Variants in TFEC observed in about 807,000 individuals in gnomAD.
TFEC encodes class E basic helix-loop-helix protein 34.
TFEC carries 31 observed loss-of-function variants against 41.6 expected under a neutral mutation model. The observed-to-expected ratio is 0.74, with a 90% CI of 0.56 to 1.01. The LOEUF is 1.01. TFEC is among the 50% of genes least tolerant of loss of function. The pLI, the probability that TFEC is intolerant of heterozygous loss-of-function variation, is 0.00. For synonymous variants in TFEC, 143 were observed against 140.6 expected, an observed-to-expected ratio of 1.02 and a Z score of -0.12; for missense variants, 402 against 404.1, an observed-to-expected ratio of 0.99 and a Z score of 0.04.
rs996087175 is a variant in TFEC, at chr7:115,938,557, C to A, written c.*1994G>T. 4.0e-5 allele frequency: 6 copies of A among 151,606 alleles called. No homozygotes were observed. Among genetic ancestry groups the A allele is most frequent in the Admixed American group, 3.3e-4 (5 of 15,170 alleles). 9.4% of individuals were successfully genotyped at this position (151,606 alleles called of 1,614,324 possible). A position where few individuals can be genotyped will look rare whatever the true frequency, so the allele number is the denominator to read the frequency against. ...GTCAAACAATAAAATTATTTTAATT[C>A]TCCAAATTCTGAGCAAATGATACAA... On this transcript the variant is annotated 3_prime_UTR_variant, in exon 8 of 8. Transcript: ENST00000265440.
chr7:116,143,956 A>G (rs1299237136), intron 1 of TFEC, among the ~76,000 whole-genome samples: 3 of 152,254 alleles, frequency 2.0e-5, no homozygotes, highest in Non-Finnish European at 4.4e-5. Context: ...GCGGTGGCTC[A>G]CACCTGTAAT....
At chr7:116,111,291 A>G (rs909267511) in intron 2 of TFEC, among the ~76,000 whole-genome samples, 2 of 152,010 alleles carry the variant, frequency 1.3e-5, no homozygotes, top group Non-Finnish European at 2.9e-5. Context: ...GGTTAATAAA[A>G]CAGTCTGTTT....
intron 1 of TFEC, among the ~76,000 whole-genome samples, chr7:116,133,016 T>C (rs150086600): frequency 0.011 from 1,645 of 152,346 alleles, 32 homozygotes; most frequent in African/African-American, 0.037. Flanking sequence ...AAAACAGTTT[T>C]AAGACTACTT....
chr7:116,000,645 A>G (rs970117237), intron 1 of TFEC, among the ~76,000 whole-genome samples: 1 of 152,168 alleles, frequency 6.6e-6, no homozygotes, highest in Non-Finnish European at 1.5e-5. Context: ...TGATTTCAAT[A>G]TATGCCAACA....
chr7:116,095,665 A>C (rs879581841), intron 3 of TFEC, among the ~76,000 whole-genome samples: 4 of 152,012 alleles, frequency 2.6e-5, no homozygotes, highest in Non-Finnish European at 5.9e-5. Context: ...TCTGTTCCCA[A>C]ATCTTTTTGA....
At chr7:116,104,077 G>A (rs1202332368) in intron 3 of TFEC, among the ~76,000 whole-genome samples, 4 of 152,128 alleles carry the variant, frequency 2.6e-5, no homozygotes, top group African/African-American at 9.7e-5. Context: ...GTGAAGAAAA[G>A]GGAGAACATT....
At chr7:116,075,437 G>A (rs1403331148) in intron 3 of TFEC, among the ~76,000 whole-genome samples, 1 of 152,154 alleles carries the variant, frequency 6.6e-6, no homozygotes, top group East Asian at 1.9e-4. Flanking sequence ...GCAAAAAAAT[G>A]TGGGTGTGCT....
chr7:116,005,750 A>C (rs1794764392), intron 1 of TFEC, among the ~76,000 whole-genome samples: 1 of 152,194 alleles, frequency 6.6e-6, no homozygotes, highest in Non-Finnish European at 1.5e-5. Context: ...GACGATGGGG[A>C]AAATGTTTCC....
intron 3 of TFEC, among the ~76,000 whole-genome samples, chr7:115,970,896 G>C (rs1036665922): frequency 6.6e-6 from 1 of 151,902 alleles, no homozygotes. Context: ...GAGCCGTGAG[G>C]CAAATAATCC....
intron 3 of TFEC, among the ~76,000 whole-genome samples, chr7:116,073,424 T>C (rs1796877318): frequency 1.3e-5 from 2 of 151,738 alleles, no homozygotes; most frequent in South Asian, 4.1e-4. Flanking sequence ...GATAAGCAAA[T>C]GGCTCTTAGA....
chr7:116,060,692 G>T (rs954312308), intron 3 of TFEC, among the ~76,000 whole-genome samples: 5 of 152,008 alleles, frequency 3.3e-5, no homozygotes, highest in African/African-American at 1.2e-4. Flanking sequence ...GGAAAGAACA[G>T]ACCCTGGGGT....
chr7:116,048,161 A>G (rs1380262595), intron 3 of TFEC, among the ~76,000 whole-genome samples: 1 of 152,240 alleles, frequency 6.6e-6, no homozygotes, highest in African/African-American at 2.4e-5. Flanking sequence ...GCTTCAGACA[A>G]TTGGTAATAA....
chr7:116,082,774 A>G (rs1797119890), intron 3 of TFEC, among the ~76,000 whole-genome samples: 1 of 152,006 alleles, frequency 6.6e-6, no homozygotes, highest in Non-Finnish European at 1.5e-5. Flanking sequence ...ATATGTATGT[A>G]TAGCACCTAC....
chr7:116,103,433 A>G (rs747990615), intron 3 of TFEC, among the ~76,000 whole-genome samples: 2 of 152,238 alleles, frequency 1.3e-5, no homozygotes, highest in Non-Finnish European at 2.9e-5. Flanking sequence ...CCTAAACTCT[A>G]GAAACCTGAA....
At chr7:116,048,506 T>G (rs1796227267) in intron 3 of TFEC, among the ~76,000 whole-genome samples, 1 of 152,204 alleles carries the variant, frequency 6.6e-6, no homozygotes, top group Non-Finnish European at 1.5e-5. Flanking sequence ...TACATCTGAT[T>G]GGTGTACCTG....
At chr7:116,029,668 G>A (rs1795719767) in intron 1 of TFEC, among the ~76,000 whole-genome samples, 1 of 151,740 alleles carries the variant, frequency 6.6e-6, no homozygotes, top group South Asian at 2.1e-4. Flanking sequence ...TATATCTATT[G>A]TAATTTATAT....
At chr7:116,135,067 T>C (rs1798408234) in intron 1 of TFEC, among the ~76,000 whole-genome samples, 1 of 152,290 alleles carries the variant, frequency 6.6e-6, no homozygotes, top group Non-Finnish European at 1.5e-5. Context: ...TTCAAAGTCA[T>C]ACTATCCCTC....
intron 1 of TFEC, among the ~76,000 whole-genome samples, chr7:116,125,085 A>G (rs1798182972): frequency 6.6e-6 from 1 of 152,220 alleles, no homozygotes; most frequent in Non-Finnish European, 1.5e-5. Flanking sequence ...TTGTGAGTAC[A>G]AAGTAAATCC....
Position 115,940,286 on chromosome 7 carries a change from T to C in TFEC, c.*265A>G, listed in dbSNP as rs1009762613. 3.5e-5 allele frequency: 12 copies of C among 347,122 alleles called. No homozygotes were observed. Among genetic ancestry groups the C allele is most frequent in the Middle Eastern group, 1.7e-3 (2 of 1,182 alleles). The allele number at this position is 347,122 out of a possible 1,614,324, so 21.5% of individuals were successfully genotyped here. On this transcript the variant is annotated 3_prime_UTR_variant, in exon 8 of 8. Coordinates refer to ENST00000265440, the MANE Select transcript of TFEC (RefSeq NM_012252.4). ...ATCAATAAAGAGCTATTTCTTATGC[T>C]GTACCTCTTTTCAGGAAAACAGAAT...
Sources: allele counts gnomAD v4.1 joint callset (sites outside exome capture counted in the v4.1 genomes callset), GRCh38; gene constraint gnomAD v4.1.1; transcripts MANE v1.5; gene names NCBI Gene and HGNC (gene_info 2026-07-23, HGNC 2026-07-21).